TEC: variants seen among roughly 807,000 people sequenced by gnomAD.
The protein encoded by TEC is tyrosine-protein kinase Tec.
TEC carries 72 observed loss-of-function variants against 93.0 expected under a neutral mutation model. That is an observed-to-expected ratio of 0.77 (90% CI 0.64 to 0.94). The LOEUF is 0.94. Ranked by LOEUF, TEC falls within the 40% of genes least tolerant of loss-of-function variation. TEC has a pLI of 0.00. For synonymous variants in TEC, 249 were observed against 247.7 expected (o/e 1.01, Z -0.05); for missense variants, 630 against 757.9 (o/e 0.83, Z 1.98).
intron 14 of TEC, among the ~76,000 whole-genome samples, chr4:48,142,311 A>C (rs1577693581): frequency 6.6e-6 from 1 of 152,248 alleles, no homozygotes; most frequent in Non-Finnish European, 1.5e-5. Flanking sequence ...TCTCTACTAA[A>C]AATACAAAAA....
intron 1 of TEC, among the ~76,000 whole-genome samples, chr4:48,254,978 G>A (rs1303805447): frequency 2.6e-5 from 4 of 152,178 alleles, no homozygotes; most frequent in Admixed American, 2.6e-4. Flanking sequence ...AAAAAGTAGT[G>A]GATGACCAAG....
chr4:48,145,050 T>C (rs748294697), intron 14 of TEC, 29 bp downstream of exon 14: 1 of 1,601,492 alleles, frequency 6.2e-7, no homozygotes, highest in East Asian at 2.2e-5. Flanking sequence ...ATTCAGCCAA[T>C]GAGTGGGAAT....
At chr4:48,164,570 A>C (rs200009002) in intron 7 of TEC, among the ~76,000 whole-genome samples, 2 of 141,064 alleles carry the variant, frequency 1.4e-5, no homozygotes, top group Non-Finnish European at 3.1e-5. Flanking sequence ...CACACACACA[A>C]ATGTGTGCAT....
At chr4:48,152,638 G>A (rs1720222669) in intron 9 of TEC, among the ~76,000 whole-genome samples, 1 of 151,974 alleles carries the variant, frequency 6.6e-6, no homozygotes. Flanking sequence ...AGACTGGCTG[G>A]GTAATTTGCA....
intron 1 of TEC, among the ~76,000 whole-genome samples, chr4:48,234,227 C>T (rs369656040): frequency 1.4e-4 from 21 of 152,292 alleles, no homozygotes; most frequent in African/African-American, 4.6e-4. Context: ...AGAATAAAGA[C>T]GTTTTTCAAA....
chr4:48,149,760 A>G (rs1456466059), intron 10 of TEC, 70 bp from the exon 11 acceptor site: 1 of 1,481,142 alleles, frequency 6.8e-7, no homozygotes, highest in Non-Finnish European at 9.1e-7. Context: ...GATGTTTTCT[A>G]CAAGGGCAAC....
In TEC at chr4:48,269,830, C is replaced by T. The variant is rs1328158827; in HGVS notation, c.-124G>A. ...GCGCCGCGGAGTCCGGAGCCTAGCG[C>T]CCCAGAGTCCAGAGCAAAGCGCCCC... On this transcript the variant is annotated 5_prime_UTR_variant, in exon 1 of 18. Transcript: ENST00000381501. 2 of 152,170 alleles carry T rather than the reference C, an allele frequency of 1.3e-5. No homozygotes were observed. The highest frequency in any genetic ancestry group is 2.9e-5 in the Non-Finnish European group (2 of 68,056). The allele number at this position is 152,170 out of a possible 1,614,324, so 9.4% of individuals were successfully genotyped here. A position where few individuals can be genotyped will look rare whatever the true frequency, so the allele number is the denominator to read the frequency against.
At chr4:48,160,605 T>C (rs1000744062) in intron 8 of TEC, among the ~76,000 whole-genome samples, 51 of 151,782 alleles carry the variant, frequency 3.4e-4, no homozygotes, top group African/African-American at 1.1e-3. Context: ...TGGGCACCTG[T>C]AATCCCAGCT....
chr4:48,267,599 A>G (rs145672485), intron 1 of TEC, among the ~76,000 whole-genome samples: 2 of 152,322 alleles, frequency 1.3e-5, no homozygotes, highest in African/African-American at 4.8e-5. Flanking sequence ...TAGTCCAACC[A>G]AGGCAGCTGG....
At chr4:48,223,059 C>T (rs1322736132) in intron 2 of TEC, among the ~76,000 whole-genome samples, 2 of 151,738 alleles carry the variant, frequency 1.3e-5, no homozygotes, top group Non-Finnish European at 2.9e-5. Context: ...GCTGATGAAA[C>T]GGAGGAGCTA....
At chr4:48,154,518 GTA>G (rs1261469396) in intron 9 of TEC, among the ~76,000 whole-genome samples, 5 of 152,152 alleles carry the variant, frequency 3.3e-5, no homozygotes, top group African/African-American at 1.2e-4. Flanking sequence ...TATACACAGT[GTA>G]TAAAGAAAGG....
At chr4:48,159,769 A>G (rs1233174384) in intron 8 of TEC, among the ~76,000 whole-genome samples, 1 of 151,962 alleles carries the variant, frequency 6.6e-6, no homozygotes, top group Non-Finnish European at 1.5e-5. Context: ...AGGCTGGTCT[A>G]CTGACCTCAA....
At chr4:48,194,067 A>G (rs1401505009) in intron 2 of TEC, among the ~76,000 whole-genome samples, 2 of 152,172 alleles carry the variant, frequency 1.3e-5, no homozygotes, top group South Asian at 2.1e-4. Context: ...TGGTATCCCA[A>G]CCATGACCAA....
At chr4:48,217,437 T>C (rs1560413320) in intron 2 of TEC, among the ~76,000 whole-genome samples, 1 of 152,170 alleles carries the variant, frequency 6.6e-6, no homozygotes, top group Non-Finnish European at 1.5e-5. Context: ...TAGTGAACCA[T>C]GCTACAATAA....
At chr4:48,228,276 A>G (rs1338925671) in intron 2 of TEC, among the ~76,000 whole-genome samples, 3 of 152,244 alleles carry the variant, frequency 2.0e-5, no homozygotes, top group Admixed American at 6.5e-5. Context: ...AGATTAATTC[A>G]TAGGTTAATT....
At chr4:48,253,571 T>TA (rs1398365119) in intron 1 of TEC, among the ~76,000 whole-genome samples, 6 of 104,680 alleles carry the variant, frequency 5.7e-5, no homozygotes, top group Non-Finnish European at 6.1e-5. Context: ...CATGTCCAAT[T>TA]CTTTTTTTTT....
At chr4:48,149,145 G>A (rs149265693) in intron 11 of TEC, among the ~76,000 whole-genome samples, 14 of 151,776 alleles carry the variant, frequency 9.2e-5, no homozygotes, top group African/African-American at 2.4e-4. Context: ...CCACATGCAC[G>A]TGTCTTTATA....
At chr4:48,178,710 G>A (rs903030267) in intron 2 of TEC, among the ~76,000 whole-genome samples, 5 of 152,122 alleles carry the variant, frequency 3.3e-5, no homozygotes, top group Admixed American at 1.3e-4. Context: ...GAGAAGGAAG[G>A]ACATCCTCTC....
intron 2 of TEC, among the ~76,000 whole-genome samples, chr4:48,188,070 C>T (rs988965860): frequency 6.6e-6 from 1 of 152,174 alleles, no homozygotes; most frequent in African/African-American, 2.4e-5. Context: ...AACATTACTT[C>T]CCATCCTCTA....
Sources: allele counts gnomAD v4.1 joint callset (sites outside exome capture counted in the v4.1 genomes callset), GRCh38; gene constraint gnomAD v4.1.1; transcripts MANE v1.5; gene names NCBI Gene and HGNC (gene_info 2026-07-23, HGNC 2026-07-21).